Variants in NRP2 observed in about 807,000 individuals in gnomAD.
NRP2 encodes neuropilin-2.
Under a neutral mutation model 110.4 loss-of-function variants are expected in NRP2, and 52 were observed. That is an observed-to-expected ratio of 0.47 (90% confidence interval 0.38 to 0.59). NRP2 has a LOEUF of 0.59. Ranked by LOEUF, NRP2 falls within the 20% of genes least tolerant of loss-of-function variation. The pLI is 0.00. For synonymous variants in NRP2, 508 were observed against 468.9 expected (o/e 1.08, Z -1.08); for missense variants, 1,049 against 1,203.0 (o/e 0.87, Z 1.89).
chr2:205,740,740 G>A lies in NRP2; in HGVS notation c.1291+77G>A. On this transcript the variant is annotated intron_variant, in intron 8 of 16. Coordinates refer to ENST00000357785, the MANE Select transcript of NRP2 (RefSeq NM_003872.3). ...GCTCCCTTTCAACTCTCTGCAAACA[G>A]CATGACTGCACCACATGACCTTCCC... 7 of 1,533,882 alleles carry A rather than the reference G, an allele frequency of 4.6e-6. No individual in the cohort carries two copies. In the South Asian group the frequency reaches 6.9e-5, roughly 15 times the overall value.
At position 205,748,650 on chromosome 2, in the gene NRP2, C is replaced by A. The variant is rs374739922; in HGVS notation, c.1787-1075C>A. 4.6e-5 allele frequency among the ~76,000 whole-genome samples: 7 copies of A among 152,282 alleles called. 1 individual carries two copies. Among genetic ancestry groups the A allele is most frequent in the African/African-American group, 7.2e-5 (3 of 41,548 alleles). ...TATTAAATGGTATCCTGAAGGGTGC[C>A]TGACAAAGGCGCCTAATCACATACA... On this transcript the variant is annotated intron_variant, in intron 10 of 16. Coordinates refer to ENST00000357785, the MANE Select transcript of NRP2 (RefSeq NM_003872.3).
chr2:205,789,459 G>C (rs1006368278), intron 15 of NRP2, among the ~76,000 whole-genome samples: 8 of 152,148 alleles, frequency 5.3e-5, no homozygotes, highest in Admixed American at 3.9e-4. Context: ...CTAAAACAGA[G>C]TCCTGGAACT....
At chr2:205,684,356 A>G (rs1402595659) in intron 1 of NRP2, among the ~76,000 whole-genome samples, 1 of 152,198 alleles carries the variant, frequency 6.6e-6, no homozygotes, top group Non-Finnish European at 1.5e-5. Context: ...CAGCTGCTAC[A>G]GGTGATTGGA....
chr2:205,752,737 C>T (rs1487187954), intron 11 of NRP2, 98 bp from the exon 12 acceptor site: 3 of 1,286,594 alleles, frequency 2.3e-6, no homozygotes, highest in Admixed American at 3.5e-5. Context: ...TCTCTGCTCT[C>T]CACTCAGGCC....
intron 3 of NRP2, among the ~76,000 whole-genome samples, chr2:205,718,997 A>G (rs1175156546): frequency 6.6e-6 from 1 of 152,214 alleles, no homozygotes; most frequent in Admixed American, 6.5e-5. Flanking sequence ...AAGGGAGCAA[A>G]ATTCAAAACA....
rs772877594 is a variant in NRP2 at position 205,716,328 on chromosome 2, C to G, written c.387C>G (p.Ala129=). 1.9e-6 allele frequency: 3 copies of G among 1,614,126 alleles called. No individual in the cohort carries two copies. The highest frequency in any genetic ancestry group is 2.5e-6 in the Non-Finnish European group (3 of 1,180,036). Residue 129 remains alanine, a synonymous_variant, in exon 3 of 17, where the codon GCC becomes GCG. Coordinates refer to ENST00000357785, the MANE Select transcript of NRP2 (RefSeq NM_003872.3). ...ACATCAAGTTCACCTCCGACTACGC[C>G]CGGCAGGGGGCAGGCTTCTCTCTGC... is the stretch of plus-strand genomic sequence containing the variant. ...MLYIKFTSDY[A]RQGAGFSLRY...
chr2:205,713,314 A>C (rs2056834387), intron 2 of NRP2, among the ~76,000 whole-genome samples: 1 of 152,226 alleles, frequency 6.6e-6, no homozygotes, highest in African/African-American at 2.4e-5. Context: ...AAAGTTTAAA[A>C]AATTATTTAT....
At chr2:205,710,133 C>T (rs552758258) in intron 2 of NRP2, among the ~76,000 whole-genome samples, 4 of 152,278 alleles carry the variant, frequency 2.6e-5, no homozygotes, top group South Asian at 2.1e-4. Flanking sequence ...CTAACTGAGG[C>T]CCTAAGGATT....
In NRP2 at chr2:205,713,572, A is replaced by G. The variant is rs188162438; in HGVS notation, c.252-2621A>G. 5.1e-3 allele frequency among the ~76,000 whole-genome samples: 781 copies of G among 152,338 alleles called. 10 individuals are homozygous for G. Among genetic ancestry groups the G allele is most frequent in the South Asian group, 0.02 (98 of 4,830 alleles). On this transcript the variant is annotated intron_variant, in intron 2 of 16. Transcript: ENST00000357785. ...TCTTTCAGACTTCCTCTGTATGTTTATGTGAGGAAATGTATGTATACCTTT... is the reference window on the plus strand; with the variant it reads ...TCTTTCAGACTTCCTCTGTATGTTTGTGTGAGGAAATGTATGTATACCTTT...
intron 14 of NRP2, 133 bp downstream of exon 14, chr2:205,765,703 G>A: frequency 2.5e-6 from 2 of 814,318 alleles, no homozygotes; most frequent in Non-Finnish European, 2.2e-6. Flanking sequence ...TCTCTGCAAG[G>A]TAAGGTGTGG....
In NRP2 at chr2:205,721,429, A is replaced by G. The variant is rs559320045; in HGVS notation, c.434-1049A>G. Among the ~76,000 whole-genome samples, 16 of 152,350 alleles carry G rather than the reference A, an allele frequency of 1.1e-4. No individual in the cohort carries two copies. The East Asian group carries it at 3.1e-3, about 29-fold the overall frequency. ...ACTTTCATTCATTGCGTGAATGTGC[A>G]TGAGCTCGTGCTTCGTGGGTCCATG... On this transcript the variant is annotated intron_variant, in intron 3 of 16. Coordinates refer to ENST00000357785, the MANE Select transcript of NRP2 (RefSeq NM_003872.3).
At chr2:205,739,446 G>C (rs1448238199) in intron 7 of NRP2, among the ~76,000 whole-genome samples, 3 of 152,110 alleles carry the variant, frequency 2.0e-5, no homozygotes, top group Admixed American at 1.3e-4. Context: ...TCCCAGCCCT[G>C]TTGGTGCCCC....
intron 2 of NRP2, among the ~76,000 whole-genome samples, chr2:205,702,708 C>T (rs770200296): frequency 2.0e-5 from 3 of 152,172 alleles, no homozygotes; most frequent in Non-Finnish European, 2.9e-5. Context: ...CAGACCAGAC[C>T]TTAGTCATCT....
intron 15 of NRP2, among the ~76,000 whole-genome samples, chr2:205,774,300 A>G (rs1342312451): frequency 6.6e-6 from 1 of 152,180 alleles, no homozygotes; most frequent in African/African-American, 2.4e-5. Flanking sequence ...GGCCACAAAT[A>G]TGAGAGAGAG....
At chr2:205,774,236 C>T (rs1009909648) in intron 15 of NRP2, among the ~76,000 whole-genome samples, 5 of 152,192 alleles carry the variant, frequency 3.3e-5, no homozygotes, top group Non-Finnish European at 4.4e-5. Flanking sequence ...TTCAAGGAGC[C>T]ATTTCCAGCA....
chr2:205,715,316 T>C lies in NRP2; in HGVS notation c.252-877T>C, dbSNP rs185595491. 3.1e-4 allele frequency among the ~76,000 whole-genome samples: 47 copies of C among 152,234 alleles called. No homozygotes were observed. In the East Asian group the frequency reaches 8.7e-3, roughly 28 times the overall value. ...GAGCCAAGGGTATCTTTGAGGTGCC[T>C]GCTTCCCAGCCCTGGCCAGTTTGAC... On this transcript the variant is annotated intron_variant, in intron 2 of 16. Coordinates refer to ENST00000357785, the MANE Select transcript of NRP2 (RefSeq NM_003872.3).
chr2:205,716,230 T>G lies in NRP2; in HGVS notation c.289T>G (p.Ser97Ala). The G allele has an allele frequency of 6.2e-7, 1 of 1,614,152 alleles. No homozygotes were observed. Among genetic ancestry groups the G allele is most frequent in the Non-Finnish European group, 8.5e-7 (1 of 1,180,040 alleles). Residue 97 changes from serine to alanine, a missense_variant, in exon 3 of 17, where the codon TCC (serine) becomes GCC (alanine). Physicochemically the swap from Ser to Ala is moderately conservative, Grantham distance 99. Coordinates refer to ENST00000357785, the MANE Select transcript of NRP2 (RefSeq NM_003872.3). ...CGAGATTCGGGATGGGGACAGTGAATCCGCAGACCTCCTGGGCAAACACTG... is the reference window on the plus strand; with the variant it reads ...CGAGATTCGGGATGGGGACAGTGAAGCCGCAGACCTCCTGGGCAAACACTG... The part of the protein sequence containing the change: ...FIEIRDGDSE[S>A]ADLLGKHCGN...
chr2:205,731,038 C>T (rs2057228870), intron 7 of NRP2, among the ~76,000 whole-genome samples: 2 of 152,226 alleles, frequency 1.3e-5, no homozygotes, highest in Admixed American at 1.3e-4. Flanking sequence ...CTGGCAAACG[C>T]AGCCTGGTTA....
intron 15 of NRP2, chr2:205,778,885 A>G (rs1347742179): frequency 1.3e-5 from 2 of 151,764 alleles, no homozygotes; most frequent in East Asian, 3.9e-4. Context: ...CTTCTCTGTC[A>G]CTCCCCATCC....
Sources: allele counts gnomAD v4.1 joint callset (sites outside exome capture counted in the v4.1 genomes callset), GRCh38; gene constraint gnomAD v4.1.1; transcripts MANE v1.5; gene names NCBI Gene and HGNC (gene_info 2026-07-23, HGNC 2026-07-21).